ZNF587B: variants seen among roughly 807,000 people sequenced by gnomAD.
The protein encoded by ZNF587B is zinc finger protein 587B.
In ZNF587B, 6 loss-of-function variants were observed where a neutral mutation model predicts 7.2. That is an observed-to-expected ratio of 0.83 (90% CI 0.46 to 1.65). The LOEUF (loss-of-function observed/expected upper bound fraction) is 1.65. Ranked by LOEUF, ZNF587B falls within the 40% of genes most tolerant of loss-of-function variation. The pLI, the probability that ZNF587B is intolerant of heterozygous loss-of-function variation, is 0.01. For synonymous variants in ZNF587B, 274 were observed against 254.3 expected (o/e 1.08, Z -0.74); for missense variants, 749 against 761.0 (o/e 0.98, Z 0.19).
In ZNF587B at chr19:57,844,929, A is replaced by T. The variant is rs1204929642; in HGVS notation, c.*2353A>T. 1 of 152,092 alleles carries T rather than the reference A, an allele frequency of 6.6e-6. No individual in the cohort carries two copies. Among genetic ancestry groups the T allele is most frequent in the East Asian group, 1.9e-4 (1 of 5,198 alleles). The allele number at this position is 152,092 out of a possible 1,614,324, so 9.4% of individuals were successfully genotyped here. On this transcript the variant is annotated 3_prime_UTR_variant, in exon 3 of 3. Transcript: ENST00000594901. Reference sequence around the variant, plus strand: ...ATTATAATTTTATGGTTACTTAGTTACTGCATTTATAGTCAGCAGAGGGGA... The same window carrying T: ...ATTATAATTTTATGGTTACTTAGTTTCTGCATTTATAGTCAGCAGAGGGGA...
chr19:57,839,159 T>A lies in ZNF587B; in HGVS notation c.163+10T>A. The A allele has an allele frequency of 6.2e-7, 1 of 1,614,110 alleles. No individual in the cohort carries two copies. Among genetic ancestry groups the A allele is most frequent in the Non-Finnish European group, 8.5e-7 (1 of 1,179,984 alleles). On this transcript the variant is annotated intron_variant, in intron 2 of 2. Coordinates refer to ENST00000594901, the MANE Select transcript of ZNF587B (RefSeq NM_001376223.1). The stretch of plus-strand genomic sequence containing the variant: ...CTTATGTCCTCCCTGGGTAAGTTGC[T>A]CACACTCACCCTGTGACTTGAGCTA...
At chr19:57,839,245 A>G in intron 2 of ZNF587B, 96 bp downstream of exon 2, 1 of 1,544,286 alleles carries the variant, frequency 6.5e-7, no homozygotes, top group Admixed American at 2.0e-5. Context: ...GAGCATGGAC[A>G]CAGCTTCCTG....
intron 1 of ZNF587B, among the ~76,000 whole-genome samples, chr19:57,832,056 C>T (rs181624775): frequency 6.6e-6 from 1 of 151,932 alleles, no homozygotes; most frequent in Admixed American, 6.6e-5. Context: ...CCCTTTATAG[C>T]AGAGTGCCCT....
At position 57,830,453 on chromosome 19, in the gene ZNF587B, G is replaced by C; in HGVS notation, c.-76G>C. The C allele has an allele frequency of 1.3e-6, 2 of 1,512,940 alleles. No individual in the cohort carries two copies. The highest frequency in any genetic ancestry group is 1.8e-6 in the Non-Finnish European group (2 of 1,118,852). 93.7% of individuals were successfully genotyped at this position (1,512,940 alleles called of 1,614,324 possible). A position where few individuals can be genotyped will look rare whatever the true frequency, so the allele number is the denominator to read the frequency against. On this transcript the variant is annotated 5_prime_UTR_variant, in exon 1 of 3. Coordinates refer to ENST00000594901, the MANE Select transcript of ZNF587B (RefSeq NM_001376223.1). ...CCAAGCGTGACCCACCCCTGGGCCA[G>C]GATAGGGACCGTCATGCCCATATCT...
chr19:57,835,033 CTG>C (rs1988548812), intron 1 of ZNF587B, among the ~76,000 whole-genome samples: 1 of 94,546 alleles, frequency 1.1e-5, no homozygotes. Context: ...TTCAGTGAAA[CTG>C]TGTAAACACT....
Position 57,841,900 on chromosome 19 carries a change from C to G in ZNF587B, c.1226C>G (p.Pro409Arg), listed in dbSNP as rs1385872467. 1.2e-6 allele frequency: 2 copies of G among 1,613,878 alleles called. No individual in the cohort carries two copies. Among genetic ancestry groups the G allele is most frequent in the Non-Finnish European group, 1.7e-6 (2 of 1,179,956 alleles). ...CAGCGCATGCACACTGGAGAAAGAC[C>G]TTACAAGTGTGGAGACTGTGGGAAA... ...IHQRMHTGER[P>R]YKCGDCGKSF... Residue 409 changes from proline (P) to arginine (R), a missense_variant, in exon 3 of 3, where the codon CCT becomes CGT. By Grantham distance (103) the Pro-to-Arg change is moderately radical. Coordinates refer to ENST00000594901, the MANE Select transcript of ZNF587B (RefSeq NM_001376223.1).
At chr19:57,830,613 A>T (rs1412184358) in intron 1 of ZNF587B, 49 bp downstream of exon 1, 1 of 1,542,882 alleles carries the variant, frequency 6.5e-7, no homozygotes, top group South Asian at 1.2e-5. Context: ...CATCACCCAA[A>T]AGCCTGTAGT....
rs565286806 is a variant in ZNF587B at position 57,843,605 on chromosome 19, T to G, written c.*1029T>G. On this transcript the variant is annotated 3_prime_UTR_variant, in exon 3 of 3. Transcript: ENST00000594901. Reference sequence around the variant, plus strand: ...TTGGTTGGTTGTTTTTTTTTGTTTTTTTTTTTTTTTTTTTTGGAGACAAAG... The same window carrying G: ...TTGGTTGGTTGTTTTTTTTTGTTTTGTTTTTTTTTTTTTTTGGAGACAAAG... 1.9e-3 allele frequency: 1,729 copies of G among 896,370 alleles called. 3 individuals carry two copies. The highest frequency in any genetic ancestry group is 2.1e-3 in the Non-Finnish European group (1,606 of 758,604). 55.5% of individuals were successfully genotyped at this position (896,370 alleles called of 1,614,324 possible). A position where few individuals can be genotyped will look rare whatever the true frequency, so the allele number is the denominator to read the frequency against.
At position 57,843,587 on chromosome 19, in the gene ZNF587B, G is replaced by GTTTTTTTTTTTATTTT; in HGVS notation, c.*1013_*1014insTTTTTTTTTATTTTTT. 1.3e-6 allele frequency: 1 copy of GTTTTTTTTTTTATTTT among 757,976 alleles called. No individual in the cohort carries two copies. The highest frequency in any genetic ancestry group is 1.5e-6 in the Non-Finnish European group (1 of 657,642). The allele number at this position is 757,976 out of a possible 1,614,324, so 47.0% of individuals were successfully genotyped here. A position where few individuals can be genotyped will look rare whatever the true frequency, so the allele number is the denominator to read the frequency against. On this transcript the variant is annotated 3_prime_UTR_variant, in exon 3 of 3. Coordinates refer to ENST00000594901, the MANE Select transcript of ZNF587B (RefSeq NM_001376223.1). ...GTTTGGTTGGTTGGTTGGTTGGTTG[G>GTTTTTTTTTTTATTTT]TTGTTTTTTTTTGTTTTTTTTTTTT...
chr19:57,832,268 G>A (rs756878025), intron 1 of ZNF587B, among the ~76,000 whole-genome samples: 1 of 152,042 alleles, frequency 6.6e-6, no homozygotes, highest in Non-Finnish European at 1.5e-5. Flanking sequence ...TGCATTTGTA[G>A]TAGAGACGGG....
rs1216201710 is a variant in ZNF587B, at chr19:57,842,498, T to C, written c.1824T>C (p.Cys608=). 5 of 1,569,584 alleles carry C rather than the reference T, an allele frequency of 3.2e-6. No individual in the cohort carries two copies. The highest frequency in any genetic ancestry group is 4.3e-6 in the Non-Finnish European group (5 of 1,165,000). The part of the protein sequence containing the change: ...RVHTGEKPYG[C]SECEKKFRKS... ...ACACTGGAGAAAAGCCTTATGGGTG[T>C]AGTGAATGTGAAAAAAAATTTAGGA... The change falls in exon 3 of 3, where the codon TGT becomes TGC. Residue 608 remains cysteine, a synonymous_variant. Coordinates refer to ENST00000594901, the MANE Select transcript of ZNF587B (RefSeq NM_001376223.1).
At chr19:57,833,049 A>G (rs536794267) in intron 1 of ZNF587B, among the ~76,000 whole-genome samples, 251 of 152,340 alleles carry the variant, frequency 1.6e-3, no homozygotes, top group African/African-American at 5.6e-3. Flanking sequence ...CTACATGGCT[A>G]TCGCCTGTGT....
chr19:57,837,666 T>G (rs1482341288), intron 1 of ZNF587B, among the ~76,000 whole-genome samples: 1 of 152,122 alleles, frequency 6.6e-6, no homozygotes, highest in Non-Finnish European at 1.5e-5. Context: ...GGCAGGATGG[T>G]CTCGATCTCC....
intron 1 of ZNF587B, among the ~76,000 whole-genome samples, chr19:57,837,201 C>A (rs1430877224): frequency 6.6e-6 from 1 of 152,088 alleles, no homozygotes; most frequent in African/African-American, 2.4e-5. Context: ...AATCCAACCC[C>A]CATGTGGCTC....
Position 57,843,932 on chromosome 19 carries a change from A to G in ZNF587B, c.*1356A>G, listed in dbSNP as rs951185080. 6.6e-6 allele frequency among the ~76,000 whole-genome samples: 1 copy of G among 151,906 alleles called. No homozygotes were observed. Among genetic ancestry groups the G allele is most frequent in the Non-Finnish European group, 1.5e-5 (1 of 67,974 alleles). On this transcript the variant is annotated 3_prime_UTR_variant, in exon 3 of 3. Transcript: ENST00000594901. ...AATTTTTTAAATTTATATTTTTTGT[A>G]GAGACAGGGTCTTGCTGTGTTGCAC...
At position 57,841,887 on chromosome 19, in the gene ZNF587B, A is replaced by G. The variant is rs771357038; in HGVS notation, c.1213A>G (p.Thr405Ala). ...CCTTAGGATCCATCAGCGCATGCACACTGGAGAAAGACCTTACAAGTGTGG... is the reference window on the plus strand; with the variant it reads ...CCTTAGGATCCATCAGCGCATGCACGCTGGAGAAAGACCTTACAAGTGTGG... Reference protein sequence around the residue: ...GHLRIHQRMHTGERPYKCGDC... With the variant: ...GHLRIHQRMHAGERPYKCGDC... The change falls in exon 3 of 3, where the codon ACT becomes GCT. Residue 405 changes from threonine to alanine, a missense_variant. Thr to Ala is a moderately conservative substitution (Grantham distance 58). Around this residue, in one of 3 missense-constraint regions of ZNF587B, gnomAD observed 656 missense variants for 596.5 expected, o/e 1.10. Coordinates refer to ENST00000594901, the MANE Select transcript of ZNF587B (RefSeq NM_001376223.1). 107 of 1,613,752 alleles carry G rather than the reference A, an allele frequency of 6.6e-5. No homozygotes were observed. Among genetic ancestry groups the G allele is most frequent in the Non-Finnish European group, 8.8e-5 (104 of 1,179,948 alleles).
Position 57,842,952 on chromosome 19 carries a change from A to G in ZNF587B, c.*376A>G. ...TTGAATCCTAGAACACTGAGATGAG[A>G]AAAACACTGTAGATGTATAGGTTAG... On this transcript the variant is annotated 3_prime_UTR_variant, in exon 3 of 3. Coordinates refer to ENST00000594901, the MANE Select transcript of ZNF587B (RefSeq NM_001376223.1). 1.0e-6 allele frequency: 1 copy of G among 985,388 alleles called. No homozygotes were observed. Among genetic ancestry groups the G allele is most frequent in the Non-Finnish European group, 1.2e-6 (1 of 829,914 alleles). The allele number at this position is 985,388 out of a possible 1,614,324, so 61.0% of individuals were successfully genotyped here.
intron 2 of ZNF587B, 132 bp from the exon 3 acceptor site, chr19:57,840,706 T>G: frequency 1.9e-6 from 3 of 1,578,520 alleles, no homozygotes; most frequent in Non-Finnish European, 2.6e-6. Context: ...CCATCTTCCA[T>G]CTGAAGCCAA....
intron 2 of ZNF587B, 71 bp downstream of exon 2, chr19:57,839,220 A>G (rs1302348860): frequency 6.3e-7 from 1 of 1,591,328 alleles, no homozygotes; most frequent in African/African-American, 1.3e-5. Context: ...CATTGGCAAG[A>G]CTTTCTCATG....
Sources: gnomAD v4.1 joint callset for allele counts (sites outside exome capture counted in the v4.1 genomes callset) on GRCh38, gnomAD v4.1.1 for gene constraint, gnomAD v4.1.1 regional missense constraint, MANE v1.5 for transcripts, NCBI Gene and HGNC (gene_info 2026-07-23, HGNC 2026-07-21) for gene names.